Variants in GPC3 observed in about 807,000 individuals in gnomAD.
The protein encoded by GPC3 is glypican 3, also known as glypican-3.
In GPC3, 3 loss-of-function variants were observed where a neutral mutation model predicts 34.4. The observed-to-expected ratio is 0.09, with a 90% confidence interval of 0.04 to 0.23. GPC3 has a LOEUF of 0.23. Ranked by LOEUF, GPC3 falls within the 10% of genes least tolerant of loss-of-function variation. The probability of loss-of-function intolerance (pLI) is 1.00; values close to 1 mark genes in which losing one functional copy is unlikely to be tolerated. For synonymous variants in GPC3, 177 were observed against 174.0 expected (o/e 1.02, Z -0.13); for missense variants, 351 against 445.6 (o/e 0.79, Z 1.91).
intron 2 of GPC3, among the ~76,000 whole-genome samples, chrX:133,823,816 C>T (rs1169329274): frequency 1.8e-5 from 2 of 109,198 alleles, no homozygotes; most frequent in African/African-American, 6.7e-5. Flanking sequence ...CCCATATGTA[C>T]TAAAAAACTA....
chrX:133,814,891 T>C (rs1347923423), intron 2 of GPC3, among the ~76,000 whole-genome samples: 1 of 111,327 alleles, frequency 9.0e-6, no homozygotes, highest in East Asian at 2.8e-4. Flanking sequence ...TTATATATTG[T>C]AAATCCAATG....
intron 6 of GPC3, among the ~76,000 whole-genome samples, chrX:133,620,624 T>G (rs1267292393): frequency 9.0e-6 from 1 of 111,172 alleles, no homozygotes; most frequent in Non-Finnish European, 1.9e-5. Context: ...GAGCCAGATA[T>G]GCCTCATTAT....
chrX:133,578,358 GC>G (rs201865040), intron 7 of GPC3, among the ~76,000 whole-genome samples: 1,271 of 111,901 alleles, frequency 0.011, 19 homozygotes, highest in African/African-American at 0.038. Context: ...CCCTTCACTT[GC>G]ACTCACTTGC....
At chrX:133,579,513 A>G (rs1248157305) in intron 7 of GPC3, among the ~76,000 whole-genome samples, 1 of 112,638 alleles carries the variant, frequency 8.9e-6, no homozygotes, top group Non-Finnish European at 1.9e-5. Context: ...TCACTGAGGA[A>G]GGAGATGCAT....
At position 133,790,919 on chromosome X, in the gene GPC3, G is replaced by A. The variant is rs548573648; in HGVS notation, c.338-36743C>T. 1.1e-4 allele frequency among the ~76,000 whole-genome samples: 12 copies of A among 111,901 alleles called. No individual in the cohort carries two copies. The South Asian group carries it at 4.1e-3, about 39-fold the overall frequency. On this transcript the variant is annotated intron_variant, in intron 2 of 7. Coordinates refer to ENST00000370818, the MANE Select transcript of GPC3 (RefSeq NM_004484.4). ...GGCTACTCAAAGCTGGGGGAGCCAA[G>A]GGCATGAAAGATGGTGTGGGTGTGG...
chrX:133,788,120 A>ATATATG (rs1345029532), intron 2 of GPC3, among the ~76,000 whole-genome samples: 6 of 81,785 alleles, frequency 7.3e-5, no homozygotes, highest in African/African-American at 1.6e-4. Flanking sequence ...ATATATATAT[A>ATATATG]TATGTATGTA....
chrX:133,872,202 A>AT (rs941944559), intron 2 of GPC3, among the ~76,000 whole-genome samples: 4 of 111,282 alleles, frequency 3.6e-5, no homozygotes, highest in African/African-American at 9.8e-5. Flanking sequence ...AAAAAGTTCA[A>AT]TTTTTTATTT....
intron 2 of GPC3, among the ~76,000 whole-genome samples, chrX:133,781,216 G>C (rs1029422723): frequency 8.9e-6 from 1 of 112,202 alleles, no homozygotes; most frequent in East Asian, 2.8e-4. Flanking sequence ...ACACAGGCTA[G>C]AAGGAAATCT....
At chrX:133,805,943 C>T (rs2075633422) in intron 2 of GPC3, among the ~76,000 whole-genome samples, 1 of 112,231 alleles carries the variant, frequency 8.9e-6, no homozygotes, top group Non-Finnish European at 1.9e-5. Flanking sequence ...GGAAAATTAA[C>T]AATTTTATGT....
chrX:133,968,684 A>G (rs2267527), intron 1 of GPC3, among the ~76,000 whole-genome samples: 52,023 of 108,440 alleles, frequency 0.48, 9,973 homozygotes, highest in Middle Eastern at 0.66. Context: ...TTGAAGTCAC[A>G]CTAGTGGGAA....
At chrX:133,767,279 A>G (rs187834162) in intron 2 of GPC3, among the ~76,000 whole-genome samples, 10 of 111,979 alleles carry the variant, frequency 8.9e-5, no homozygotes, top group African/African-American at 1.9e-4. Context: ...AATGATTCCA[A>G]CTACTTACCA....
intron 3 of GPC3, among the ~76,000 whole-genome samples, chrX:133,701,268 T>C (rs2071165184): frequency 8.9e-6 from 1 of 111,989 alleles, no homozygotes; most frequent in African/African-American, 3.2e-5. Flanking sequence ...AACATTCTTA[T>C]ATATCTCCCT....
intron 2 of GPC3, among the ~76,000 whole-genome samples, chrX:133,840,978 A>G (rs192664971): frequency 4.5e-5 from 5 of 110,632 alleles, no homozygotes; most frequent in Admixed American, 3.9e-4. Context: ...CATAAGTATT[A>G]TATCTATGTG....
At chrX:133,704,156 C>T in intron 3 of GPC3, 1 of 777,591 alleles carries the variant, frequency 1.3e-6, no homozygotes, top group Non-Finnish European at 1.7e-6. Flanking sequence ...TTCCACCTCT[C>T]ACCCACAGCA....
intron 6 of GPC3, among the ~76,000 whole-genome samples, chrX:133,605,172 T>TG (rs112241052): frequency 0.021 from 1,991 of 95,916 alleles, 22 homozygotes; most frequent in African/African-American, 0.034. Flanking sequence ...ACTTCACACG[T>TG]GGGGGGGGGG....
chrX:133,957,646 C>T (rs758729244), intron 1 of GPC3, among the ~76,000 whole-genome samples: 3 of 111,565 alleles, frequency 2.7e-5, no homozygotes, highest in East Asian at 2.8e-4. Context: ...AGAACTGGTA[C>T]GTACTTGCAT....
At chrX:133,694,007 T>C (rs2071090508) in intron 4 of GPC3, among the ~76,000 whole-genome samples, 1 of 110,818 alleles carries the variant, frequency 9.0e-6, no homozygotes, top group African/African-American at 3.3e-5. Context: ...TCCACCATGT[T>C]TTCACACAGT....
intron 2 of GPC3, among the ~76,000 whole-genome samples, chrX:133,853,269 A>G (rs1374430708): frequency 8.9e-6 from 1 of 111,749 alleles, no homozygotes; most frequent in Non-Finnish European, 1.9e-5. Flanking sequence ...GCATATGGTT[A>G]ACACTAATGG....
At chrX:133,794,567 G>A (rs892302484) in intron 2 of GPC3, among the ~76,000 whole-genome samples, 3 of 111,459 alleles carry the variant, frequency 2.7e-5, no homozygotes, top group Non-Finnish European at 5.7e-5. Context: ...CCTTTTTTGC[G>A]GTGCTTCTTT....
Sources: allele counts gnomAD v4.1 joint callset (sites outside exome capture counted in the v4.1 genomes callset), GRCh38; gene constraint gnomAD v4.1.1; transcripts MANE v1.5; gene names NCBI Gene and HGNC (gene_info 2026-07-23, HGNC 2026-07-21).